PRKAB2: variants seen among roughly 807,000 people sequenced by gnomAD.
The protein encoded by PRKAB2 is 5'-AMP-activated protein kinase subunit beta-2.
In PRKAB2, 18 loss-of-function variants were observed where a neutral mutation model predicts 29.8. That is an observed-to-expected ratio of 0.60 (90% CI 0.42 to 0.89). The LOEUF (loss-of-function observed/expected upper bound fraction) is 0.89. Among genes scored for constraint, PRKAB2 ranks in the 40% least tolerant of loss-of-function variants. The pLI is 0.00. For synonymous variants in PRKAB2, 136 were observed against 125.9 expected, an observed-to-expected ratio of 1.08 and a Z score of -0.54; for missense variants, 270 against 344.3, an observed-to-expected ratio of 0.78 and a Z score of 1.71.
At chr1:147,161,862 C>T in intron 6 of PRKAB2, 82 bp from the exon 7 acceptor site, 1 of 1,138,678 alleles carries the variant, frequency 8.8e-7, no homozygotes, top group South Asian at 1.5e-5. Flanking sequence ...TACTCTTCCT[C>T]AGAGCTCTTT....
At chr1:147,163,645 A>T (rs1654083247) in intron 5 of PRKAB2, among the ~76,000 whole-genome samples, 2 of 152,206 alleles carry the variant, frequency 1.3e-5, no homozygotes, top group South Asian at 4.1e-4. Context: ...AGAACAGGCA[A>T]ATCCTTAAGA....
rs1454481519 is a variant in PRKAB2, at chr1:147,172,438, T to C, written c.-33A>G. On this transcript the variant is annotated 5_prime_UTR_variant, in exon 1 of 8. Coordinates refer to ENST00000254101, the MANE Select transcript of PRKAB2 (RefSeq NM_005399.5). ...CCCCCACTCCAGTCACCTCGGGCGA[T>C]GCGCTCCCTCCTCCAAGGGCCACTG... 4 of 491,826 alleles carry C rather than the reference T, an allele frequency of 8.1e-6. No individual in the cohort carries two copies. Among genetic ancestry groups the C allele is most frequent in the Non-Finnish European group, 1.4e-5 (4 of 279,354 alleles). 30.5% of individuals were successfully genotyped at this position (491,826 alleles called of 1,614,324 possible).
rs2101638487 is a variant in PRKAB2 at position 147,172,014 on chromosome 1, C to T, written c.131G>A (p.Ser44Asn). 1.9e-6 allele frequency: 3 copies of T among 1,600,448 alleles called. No individual in the cohort carries two copies. Among genetic ancestry groups the T allele is most frequent in the Non-Finnish European group, 1.7e-6 (2 of 1,174,362 alleles). Residue 44 changes from serine (S) to asparagine (N), a missense_variant, in exon 2 of 8, where the codon AGC becomes AAC. Ser to Asn is a conservative substitution (Grantham distance 46, BLOSUM62 1). Around this residue, in one of 2 missense-constraint regions of PRKAB2, gnomAD observed 228 missense variants for 255.5 expected, o/e 0.89. Coordinates refer to ENST00000254101, the MANE Select transcript of PRKAB2 (RefSeq NM_005399.5). ...CTTGGAGTCAGGGAGGCTGAACACGCTGGGGTCGTCCGTACTCCCCACCAT... is the reference window on the plus strand; with the variant it reads ...CTTGGAGTCAGGGAGGCTGAACACGTTGGGGTCGTCCGTACTCCCCACCAT... ...KIMVGSTDDP[S>N]VFSLPDSKLP...
rs587655289 is a variant in PRKAB2 at position 147,156,853 on chromosome 1, A to T, written c.*2712T>A. 8.5e-5 allele frequency: 13 copies of T among 152,252 alleles called. No homozygotes were observed. The highest frequency in any genetic ancestry group is 1.3e-4 in the Non-Finnish European group (9 of 68,010). The allele number at this position is 152,252 out of a possible 1,614,324, so 9.4% of individuals were successfully genotyped here. A position where few individuals can be genotyped will look rare whatever the true frequency, so the allele number is the denominator to read the frequency against. On this transcript the variant is annotated 3_prime_UTR_variant, in exon 8 of 8. Transcript: ENST00000254101. ...TACAGTGAGATCCAAGGACACCACCATGTGGTGTCTGATTTAATTTCTTTT... is the reference window on the plus strand; with the variant it reads ...TACAGTGAGATCCAAGGACACCACCTTGTGGTGTCTGATTTAATTTCTTTT...
chr1:147,159,693 T>C (rs1553912868), intron 7 of PRKAB2, 51 bp from the exon 8 acceptor site: 3 of 1,515,904 alleles, frequency 2.0e-6, no homozygotes, highest in Middle Eastern at 1.7e-4. Context: ...AGACAGTAGG[T>C]AGCTCTTCCC....
chr1:147,163,357 G>T (rs1434545651), intron 5 of PRKAB2, among the ~76,000 whole-genome samples: 3 of 152,128 alleles, frequency 2.0e-5, no homozygotes, highest in African/African-American at 4.8e-5. Flanking sequence ...ATACCCAAAA[G>T]AAATGAAAAC....
At position 147,172,457 on chromosome 1, in the gene PRKAB2, G is replaced by C. The variant is rs1654719224; in HGVS notation, c.-52C>G. On this transcript the variant is annotated 5_prime_UTR_variant, in exon 1 of 8. Transcript: ENST00000254101. ...GGGCGATGCGCTCCCTCCTCCAAGG[G>C]CCACTGATGTGATGGCTGTTCTGCA... 2 of 456,702 alleles carry C rather than the reference G, an allele frequency of 4.4e-6. No individual in the cohort carries two copies. Among genetic ancestry groups the C allele is most frequent in the Non-Finnish European group, 3.9e-6 (1 of 257,196 alleles). 28.3% of individuals were successfully genotyped at this position (456,702 alleles called of 1,614,324 possible).
chr1:147,171,926 A>C, intron 2 of PRKAB2, 63 bp downstream of exon 2: 1 of 1,553,706 alleles, frequency 6.4e-7, no homozygotes, highest in Non-Finnish European at 8.7e-7. Flanking sequence ...CAAGAAAGGG[A>C]AGAGGAGCCC....
At chr1:147,162,181 T>C (rs1654004283) in intron 6 of PRKAB2, among the ~76,000 whole-genome samples, 1 of 152,194 alleles carries the variant, frequency 6.6e-6, no homozygotes, top group Admixed American at 6.5e-5. Context: ...TAACTACTCC[T>C]TTATGTTGTG....
At position 147,159,341 on chromosome 1, in the gene PRKAB2, C is replaced by A; in HGVS notation, c.*224G>T. On this transcript the variant is annotated 3_prime_UTR_variant, in exon 8 of 8. Coordinates refer to ENST00000254101, the MANE Select transcript of PRKAB2 (RefSeq NM_005399.5). ...CTGGGGCTAGGAGGCTTCCATTTACCTTCTTCTCATATGTATATTTTTTTT... is the reference window on the plus strand; with the variant it reads ...CTGGGGCTAGGAGGCTTCCATTTACATTCTTCTCATATGTATATTTTTTTT... 4.1e-6 allele frequency: 2 copies of A among 488,308 alleles called. No individual in the cohort carries two copies. The highest frequency in any genetic ancestry group is 7.3e-6 in the Non-Finnish European group (2 of 275,570). The allele number at this position is 488,308 out of a possible 1,614,324, so 30.2% of individuals were successfully genotyped here. A position where few individuals can be genotyped will look rare whatever the true frequency, so the allele number is the denominator to read the frequency against.
At chr1:147,167,261 T>C (rs952471603) in intron 3 of PRKAB2, among the ~76,000 whole-genome samples, 3 of 152,200 alleles carry the variant, frequency 2.0e-5, no homozygotes, top group Non-Finnish European at 4.4e-5. Context: ...GCAAATAAGA[T>C]AGGTAGGTTT....
chr1:147,170,180 T>G (rs1416410706), intron 2 of PRKAB2, among the ~76,000 whole-genome samples: 1 of 152,200 alleles, frequency 6.6e-6, no homozygotes, highest in Non-Finnish European at 1.5e-5. Flanking sequence ...GAGGCTACAT[T>G]GAGAACTATA....
intron 5 of PRKAB2, among the ~76,000 whole-genome samples, chr1:147,163,379 C>G (rs1426550707): frequency 6.6e-6 from 1 of 152,156 alleles, no homozygotes; most frequent in African/African-American, 2.4e-5. Context: ...TATGTCTACA[C>G]AAAAACTTGT....
Position 147,166,832 on chromosome 1 carries a change from G to T in PRKAB2, c.417+14C>A. 1 of 1,607,372 alleles carries T rather than the reference G, an allele frequency of 6.2e-7. No individual in the cohort carries two copies. Among genetic ancestry groups the T allele is most frequent in the Non-Finnish European group, 8.5e-7 (1 of 1,173,936 alleles). Reference sequence around the variant, plus strand: ...TGCTAAGTCAATGGTTACCCTTGGAGATCAAGGCCTTACCTCTGATGGATC... The same window carrying T: ...TGCTAAGTCAATGGTTACCCTTGGATATCAAGGCCTTACCTCTGATGGATC... On this transcript the variant is annotated intron_variant, in intron 4 of 7. Transcript: ENST00000254101.
rs115159560 is a variant in PRKAB2 at position 147,170,579 on chromosome 1, G to A, written c.156+1410C>T. Among the ~76,000 whole-genome samples, 872 of 149,706 alleles carry A rather than the reference G, an allele frequency of 5.8e-3. 3 individuals carry two copies. The highest frequency in any genetic ancestry group is 0.01 in the Middle Eastern group (3 of 292). On this transcript the variant is annotated intron_variant, in intron 2 of 7. Coordinates refer to ENST00000254101, the MANE Select transcript of PRKAB2 (RefSeq NM_005399.5). ...TCTCACTTCTCTGTGATTATGGTTGGTTTTTTTGTTTTTTTGTTTTTTTGT... is the reference window on the plus strand; with the variant it reads ...TCTCACTTCTCTGTGATTATGGTTGATTTTTTTGTTTTTTTGTTTTTTTGT...
Position 147,159,576 on chromosome 1 carries a change from T to C in PRKAB2, c.808A>G (p.Lys270Glu). Residue 270 changes from lysine (K) to glutamate (E), a missense_variant, in exon 8 of 8, where the codon AAG becomes GAG. Transcript: ENST00000254101. The part of the protein sequence containing the change: ...KKKYVTTLLY[K>E]PI The stretch of plus-strand genomic sequence containing the variant: ...AAGAAGGGATCCCTTCAAATGGGCT[T>C]GTATAGCAGAGTAGTAACATACTTC... 6.2e-7 allele frequency: 1 copy of C among 1,613,346 alleles called. No individual in the cohort carries two copies. The highest frequency in any genetic ancestry group is 1.1e-5 in the South Asian group (1 of 91,046).
At chr1:147,162,294 A>C in intron 6 of PRKAB2, 146 bp downstream of exon 6, 1 of 797,772 alleles carries the variant, frequency 1.3e-6, no homozygotes, top group Non-Finnish European at 1.8e-6. Flanking sequence ...ACCACTGGAA[A>C]AAGGAAATCT....
At chr1:147,166,084 T>C (rs1332048659) in intron 5 of PRKAB2, among the ~76,000 whole-genome samples, 1 of 152,096 alleles carries the variant, frequency 6.6e-6, no homozygotes, top group Non-Finnish European at 1.5e-5. Flanking sequence ...CTAACTGAGG[T>C]CTCAAACTGG....
At chr1:147,159,907 T>G (rs1015307880) in intron 7 of PRKAB2, among the ~76,000 whole-genome samples, 1 of 152,158 alleles carries the variant, frequency 6.6e-6, no homozygotes, top group Non-Finnish European at 1.5e-5. Flanking sequence ...GATGATTACA[T>G]GAGAATATCT....
Sources: allele counts gnomAD v4.1 joint callset (sites outside exome capture counted in the v4.1 genomes callset), GRCh38; gene constraint gnomAD v4.1.1; regional missense constraint gnomAD v4.1.1; transcripts MANE v1.5; gene names NCBI Gene and HGNC (gene_info 2026-07-23, HGNC 2026-07-21).